SEC14L5: variants seen among roughly 807,000 people sequenced by gnomAD.
SEC14L5 encodes the protein SEC14-like protein 5.
Under a neutral mutation model 84.6 loss-of-function variants are expected in SEC14L5, and 96 were observed. The ratio of observed to expected loss-of-function variants is 1.13; its 90% CI spans 0.96 to 1.34. SEC14L5 has a LOEUF of 1.34. Ranked by LOEUF, SEC14L5 falls within the 40% of genes most tolerant of loss-of-function variation. The pLI, the probability that SEC14L5 is intolerant of heterozygous loss-of-function variation, is 0.00. For missense variants in SEC14L5, 1,224 were observed against 942.5 expected, an observed-to-expected ratio of 1.30 and a Z score of -3.91; for synonymous variants, 546 against 383.4, an observed-to-expected ratio of 1.42 and a Z score of -4.95.
chr16:4,993,069 G>T (rs917151447), intron 6 of SEC14L5, among the ~76,000 whole-genome samples: 1 of 151,862 alleles, frequency 6.6e-6, no homozygotes, highest in African/African-American at 2.4e-5. Context: ...TAGAGACAGG[G>T]TCTTGCTCTG....
chr16:4,967,647 A>G (rs1166426263), intron 2 of SEC14L5, among the ~76,000 whole-genome samples: 1 of 131,670 alleles, frequency 7.6e-6, no homozygotes, highest in African/African-American at 2.9e-5. Context: ...ATCTTGGCTC[A>G]TTGAAACTTC....
At chr16:4,980,792 C>A (rs981946513) in intron 2 of SEC14L5, among the ~76,000 whole-genome samples, 1 of 152,128 alleles carries the variant, frequency 6.6e-6, no homozygotes, top group South Asian at 2.1e-4. Context: ...GAAGAAGGAC[C>A]AGCATGGATG....
rs143694535 is a variant in SEC14L5 at position 5,000,860 on chromosome 16, C to T, written c.1065C>T (p.Leu355=). 1.2e-6 allele frequency: 2 copies of T among 1,604,530 alleles called. No homozygotes were observed. Among genetic ancestry groups the T allele is most frequent in the Admixed American group, 1.7e-5 (1 of 58,434 alleles). Residue 355 remains leucine, a synonymous_variant, in exon 10 of 16, where the codon CTC becomes CTT. Coordinates refer to ENST00000251170, the MANE Select transcript of SEC14L5 (RefSeq NM_014692.2). Reference sequence around the variant, plus strand: ...GCACTGTCTCTCCCTTCCAGGTTCTCTCCGTCAACGAGGAAGGACAGAAGC... The same window carrying T: ...GCACTGTCTCTCCCTTCCAGGTTCTTTCCGTCAACGAGGAAGGACAGAAGC... ...VGEEALLRHV[L]SVNEEGQKRC...
chr16:4,959,210 G>A (rs1014295817), intron 1 of SEC14L5, 63 bp from the exon 2 acceptor site: 2 of 779,422 alleles, frequency 2.6e-6, no homozygotes, highest in African/African-American at 3.4e-5. Flanking sequence ...CTTACACTTG[G>A]TGGGTGGTGT....
At chr16:4,971,023 G>A (rs1596616113) in intron 2 of SEC14L5, among the ~76,000 whole-genome samples, 1 of 149,926 alleles carries the variant, frequency 6.7e-6, no homozygotes, top group African/African-American at 2.5e-5. Context: ...CAGGAGAATC[G>A]CTTGAACCGG....
intron 2 of SEC14L5, among the ~76,000 whole-genome samples, chr16:4,985,424 C>T (rs1955473983): frequency 6.6e-6 from 1 of 152,062 alleles, no homozygotes; most frequent in African/African-American, 2.4e-5. Flanking sequence ...GACAGGGTTT[C>T]ACCATGTTGA....
intron 11 of SEC14L5, 77 bp downstream of exon 11, chr16:5,003,650 G>A (rs1334133107): frequency 2.1e-6 from 2 of 940,052 alleles, no homozygotes; most frequent in Non-Finnish European, 3.2e-6. Context: ...AAGCAGCTCT[G>A]CTCTCTTTTC....
At position 5,014,937 on chromosome 16, in the gene SEC14L5, C is replaced by A. The variant is rs763722457; in HGVS notation, c.2058C>A (p.Gly686=). 5 of 1,612,450 alleles carry A rather than the reference C, an allele frequency of 3.1e-6. No homozygotes were observed. Among genetic ancestry groups the A allele is most frequent in the Non-Finnish European group, 4.2e-6 (5 of 1,179,854 alleles). ...CCGCCACCTCGTCCTCCTCCTCCGG[C>A]CAGTCTCATAGCAGCTCCCTGGTCT... The part of the protein sequence containing the change: ...LSAATSSSSS[G]QSHSSSLVSR Residue 686 remains glycine, a synonymous_variant, in exon 16 of 16, where the codon GGC becomes GGA. Coordinates refer to ENST00000251170, the MANE Select transcript of SEC14L5 (RefSeq NM_014692.2).
chr16:4,988,743 T>C (rs1237665934), intron 4 of SEC14L5, among the ~76,000 whole-genome samples: 2 of 152,230 alleles, frequency 1.3e-5, no homozygotes, highest in Non-Finnish European at 1.5e-5. Flanking sequence ...TCTACGTAAA[T>C]GTTACCTTTG....
intron 2 of SEC14L5, 52 bp from the exon 3 acceptor site, chr16:4,987,505 G>A: frequency 6.9e-7 from 1 of 1,449,880 alleles, no homozygotes. Context: ...GCTGGGGGGG[G>A]GGGTCCCTCT....
intron 6 of SEC14L5, among the ~76,000 whole-genome samples, chr16:4,992,932 CT>C (rs1327383259): frequency 3.3e-5 from 5 of 151,868 alleles, no homozygotes; most frequent in African/African-American, 4.8e-5. Flanking sequence ...TGATATTTTG[CT>C]TTTTTTTCAC....
chr16:4,971,811 A>T (rs1955283884), intron 2 of SEC14L5, among the ~76,000 whole-genome samples: 1 of 152,080 alleles, frequency 6.6e-6, no homozygotes, highest in African/African-American at 2.4e-5. Context: ...CCATTCACTC[A>T]TTCCTTCCTC....
intron 13 of SEC14L5, among the ~76,000 whole-genome samples, chr16:5,007,860 C>G (rs1309285623): frequency 6.6e-6 from 1 of 151,196 alleles, no homozygotes; most frequent in Non-Finnish European, 1.5e-5. Context: ...CCCGCCTAGG[C>G]CTCCCAAAGT....
intron 7 of SEC14L5, 129 bp from the exon 8 acceptor site, chr16:4,996,726 C>CTGTA: frequency 1.4e-6 from 1 of 728,102 alleles, no homozygotes; most frequent in Non-Finnish European, 2.3e-6. Context: ...CGCACACCAC[C>CTGTA]ACGCCTGGCT....
Position 5,008,463 on chromosome 16 carries a change from G to T in SEC14L5, c.1615G>T (p.Asp539Tyr), listed in dbSNP as rs1256745628. 6.2e-7 allele frequency: 1 copy of T among 1,613,652 alleles called. No individual in the cohort carries two copies. Among genetic ancestry groups the T allele is most frequent in the East Asian group, 2.2e-5 (1 of 44,866 alleles). Residue 539 changes from aspartate (D) to tyrosine (Y), a missense_variant, in exon 14 of 16, where the codon GAC (aspartate) becomes TAC (tyrosine). Physicochemically the swap from Asp to Tyr is radical, Grantham distance 160. Coordinates refer to ENST00000251170, the MANE Select transcript of SEC14L5 (RefSeq NM_014692.2). ...ILEGESVITW[D>Y]FDILRGDVVF... Reference sequence around the variant, plus strand: ...GGAAGGAGAGTCGGTCATCACCTGGGACTTTGACATCCTGCGAGGGGACGT... The same window carrying T: ...GGAAGGAGAGTCGGTCATCACCTGGTACTTTGACATCCTGCGAGGGGACGT...
chr16:5,012,629 G>A (rs901389027), intron 15 of SEC14L5, among the ~76,000 whole-genome samples: 1 of 152,264 alleles, frequency 6.6e-6, no homozygotes, highest in African/African-American at 2.4e-5. Flanking sequence ...CTGAGGCCGG[G>A]TGTGGTGGCT....
chr16:4,991,952 C>T lies in SEC14L5; in HGVS notation c.589C>T (p.Pro197Ser). The T allele has an allele frequency of 1.9e-6, 3 of 1,597,000 alleles. No homozygotes were observed. The Admixed American group carries it at 5.1e-5, about 27-fold the overall frequency. ...REEDARNQAG[P>S]RDPSSLEAHG... ...GGAGGATGCCCGCAACCAGGCTGGACCGAGGGACCCCAGCTCCCTGGAGGC... is the reference window on the plus strand; with the variant it reads ...GGAGGATGCCCGCAACCAGGCTGGATCGAGGGACCCCAGCTCCCTGGAGGC... The change falls in exon 6 of 16, where the codon CCG (proline) becomes TCG (serine). Residue 197 changes from proline to serine, a missense_variant. Physicochemically the swap from Pro to Ser is moderately conservative, Grantham distance 74. Transcript: ENST00000251170.
At chr16:4,960,853 T>G (rs1199836431) in intron 2 of SEC14L5, 1 of 152,202 alleles carries the variant, frequency 6.6e-6, no homozygotes, top group African/African-American at 2.4e-5. Context: ...AGTGCCTGAG[T>G]GACTTTGCTT....
intron 8 of SEC14L5, among the ~76,000 whole-genome samples, chr16:4,999,136 C>T (rs906693689): frequency 1.1e-4 from 16 of 152,118 alleles, no homozygotes; most frequent in African/African-American, 3.6e-4. Context: ...GTTTAAAATG[C>T]CTCTTCGTGT....
Sources: gnomAD v4.1 joint callset for allele counts (sites outside exome capture counted in the v4.1 genomes callset) on GRCh38, gnomAD v4.1.1 for gene constraint, MANE v1.5 for transcripts, NCBI Gene and HGNC (gene_info 2026-07-23, HGNC 2026-07-21) for gene names.